The following TENT5C variants were observed in gnomAD, a reference collection of about 807,000 sequenced individuals.
TENT5C encodes the protein terminal nucleotidyltransferase 5C.
In TENT5C, 5 loss-of-function variants were observed where a neutral mutation model predicts 22.2. That is an observed-to-expected ratio of 0.22 (90% CI 0.12 to 0.47). The LOEUF is 0.47. Ranked by LOEUF, TENT5C falls within the 20% of genes least tolerant of loss-of-function variation. TENT5C has a pLI of 0.99. For missense variants in TENT5C, 364 were observed against 500.9 expected, an observed-to-expected ratio of 0.73 and a Z score of 2.61; for synonymous variants, 199 against 195.4, an observed-to-expected ratio of 1.02 and a Z score of -0.15.
chr1:117,617,626 C>T (rs1653815531), intron 1 of TENT5C, among the ~76,000 whole-genome samples: 1 of 152,132 alleles, frequency 6.6e-6, no homozygotes. Context: ...TTTGAATTTA[C>T]TAGGCTTCAA....
In TENT5C at chr1:117,624,097, C is replaced by T; in HGVS notation, c.*53C>T. The T allele has an allele frequency of 6.8e-7, 1 of 1,466,004 alleles. No homozygotes were observed. The allele number at this position is 1,466,004 out of a possible 1,614,324, so 90.8% of individuals were successfully genotyped here. On this transcript the variant is annotated 3_prime_UTR_variant, in exon 2 of 2. Coordinates refer to ENST00000369448, the MANE Select transcript of TENT5C (RefSeq NM_017709.4). ...GGAACCCCAATAGGGCTAGGGCTCT[C>T]AGGTAGGGGAGCCTCCTTCTAGATG...
intron 1 of TENT5C, among the ~76,000 whole-genome samples, chr1:117,610,105 A>G (rs1653632737): frequency 6.6e-6 from 1 of 151,584 alleles, no homozygotes; most frequent in Non-Finnish European, 1.5e-5. Flanking sequence ...AGTTCTGCTG[A>G]TTCTTTCTCT....
chr1:117,622,347 GTGTGTC>G (rs1391593997), intron 1 of TENT5C, among the ~76,000 whole-genome samples: 3 of 87,098 alleles, frequency 3.4e-5, no homozygotes, highest in African/African-American at 1.1e-4. Context: ...GTGTGTGTGT[GTGTGTC>G]TGTGTCTGTG....
At position 117,628,040 on chromosome 1, in the gene TENT5C, A is replaced by C; in HGVS notation, c.*3996A>C. 4.0e-6 allele frequency: 1 copy of C among 248,134 alleles called. No homozygotes were observed. Among genetic ancestry groups the C allele is most frequent in the East Asian group, 6.0e-5 (1 of 16,572 alleles). The allele number at this position is 248,134 out of a possible 1,614,324, so 15.4% of individuals were successfully genotyped here. A position where few individuals can be genotyped will look rare whatever the true frequency, so the allele number is the denominator to read the frequency against. ...CCATCTACTAAAGAGGAAGTAGCTA[A>C]ATACAGATCTGTGGGTGTTTTTAAA... On this transcript the variant is annotated 3_prime_UTR_variant, in exon 2 of 2. Coordinates refer to ENST00000369448, the MANE Select transcript of TENT5C (RefSeq NM_017709.4).
chr1:117,606,858 GT>G (rs1439453169), intron 1 of TENT5C, among the ~76,000 whole-genome samples: 1 of 152,220 alleles, frequency 6.6e-6, no homozygotes, highest in Non-Finnish European at 1.5e-5. Context: ...CCAGTGACTT[GT>G]GCGCTGCGCG....
At chr1:117,622,680 T>A (rs971894385) in intron 1 of TENT5C, among the ~76,000 whole-genome samples, 162 bp from the exon 2 acceptor site, 1 of 152,216 alleles carries the variant, frequency 6.6e-6, no homozygotes, top group African/African-American at 2.4e-5. Context: ...CACTGTTTTT[T>A]ACATATTTAA....
At position 117,623,360 on chromosome 1, in the gene TENT5C, C is replaced by T. The variant is rs141963049; in HGVS notation, c.492C>T (p.Asn164=). 598 of 1,614,162 alleles carry T rather than the reference C, an allele frequency of 3.7e-4. 5 individuals carry two copies. The African/African-American group carries it at 6.3e-3, about 17-fold the overall frequency. The change falls in exon 2 of 2, where the codon AAC becomes AAT. Residue 164 remains asparagine (N), a synonymous_variant. Coordinates refer to ENST00000369448, the MANE Select transcript of TENT5C (RefSeq NM_017709.4). ...CCCTCTCCAACAAGAACGGGAAGAA[C>T]GTGGAGCTGAAGTTTGTCGACTCCA... ...LISLSNKNGK[N]VELKFVDSIR...
intron 1 of TENT5C, among the ~76,000 whole-genome samples, chr1:117,610,268 G>A (rs1653636559): frequency 6.6e-6 from 1 of 152,036 alleles, no homozygotes; most frequent in Non-Finnish European, 1.5e-5. Context: ...GGGACTGCCT[G>A]CACCTCTGGA....
In TENT5C at chr1:117,622,890, A is replaced by G; in HGVS notation, c.22A>G (p.Thr8Ala). The change falls in exon 2 of 2, where the codon ACC becomes GCC. Residue 8 changes from threonine (T) to alanine (A), a missense_variant. This residue lies in a region of TENT5C where 303 missense variants were observed against 394.5 expected (regional missense o/e 0.77). Transcript: ENST00000369448. MAEESSC[T>A]RDCMSFSVLN... ...GAAGATGGCAGAGGAGAGCAGCTGT[A>G]CCAGGGATTGCATGTCCTTCAGCGT... 1.2e-6 allele frequency: 2 copies of G among 1,612,858 alleles called. No individual in the cohort carries two copies. Among genetic ancestry groups the G allele is most frequent in the Non-Finnish European group, 1.7e-6 (2 of 1,178,910 alleles).
intron 1 of TENT5C, among the ~76,000 whole-genome samples, chr1:117,616,478 C>T (rs1050936443): frequency 2.0e-5 from 3 of 152,092 alleles, no homozygotes; most frequent in East Asian, 1.9e-4. Flanking sequence ...CTCTTGTACA[C>T]GGGGGAGGAG....
In TENT5C at chr1:117,623,264, C is replaced by T; in HGVS notation, c.396C>T (p.Val132=). ...TGAACAAGCTCAAAATCAGTCCAGT[C>T]ACTCTGAAGGAGGCATATGTGCAGA... ...EGVNKLKISP[V]TLKEAYVQKL... The change falls in exon 2 of 2, where the codon GTC becomes GTT. Residue 132 remains valine, a synonymous_variant. Transcript: ENST00000369448. 9 of 1,614,156 alleles carry T rather than the reference C, an allele frequency of 5.6e-6. No individual in the cohort carries two copies. The highest frequency in any genetic ancestry group is 7.6e-6 in the Non-Finnish European group (9 of 1,180,034).
intron 1 of TENT5C, among the ~76,000 whole-genome samples, chr1:117,612,336 C>T (rs1448384398): frequency 6.9e-6 from 1 of 144,240 alleles, no homozygotes; most frequent in Non-Finnish European, 1.5e-5. Flanking sequence ...ATTCCTAGCC[C>T]GGTGCTCATT....
rs1653933016 is a variant in TENT5C at position 117,623,065 on chromosome 1, T to G, written c.197T>G (p.Val66Gly). 1 of 1,614,174 alleles carries G rather than the reference T, an allele frequency of 6.2e-7. No individual in the cohort carries two copies. The highest frequency in any genetic ancestry group is 8.5e-7 in the Non-Finnish European group (1 of 1,180,028). Reference protein sequence around the residue: ...RSRLEEAGIKVHDVRLNGSAA... With the variant: ...RSRLEEAGIKGHDVRLNGSAA... Reference sequence around the variant, plus strand: ...CGGCTGGAGGAGGCAGGCATCAAAGTGCACGACGTCCGGCTGAATGGCTCC... The same window carrying G: ...CGGCTGGAGGAGGCAGGCATCAAAGGGCACGACGTCCGGCTGAATGGCTCC... The change falls in exon 2 of 2, where the codon GTG (valine) becomes GGG (glycine). Residue 66 changes from valine to glycine, a missense_variant. This residue lies in a region of TENT5C where 303 missense variants were observed against 394.5 expected (regional missense o/e 0.77). Transcript: ENST00000369448.
rs988974635 is a variant in TENT5C at position 117,625,285 on chromosome 1, T to C, written c.*1241T>C. On this transcript the variant is annotated 3_prime_UTR_variant, in exon 2 of 2. Coordinates refer to ENST00000369448, the MANE Select transcript of TENT5C (RefSeq NM_017709.4). ...AGCATGAAGTCTGGCCTTGTGTGCATTGGAGCTTCCAAGGCACTTTGAAAT... is the reference window on the plus strand; with the variant it reads ...AGCATGAAGTCTGGCCTTGTGTGCACTGGAGCTTCCAAGGCACTTTGAAAT... The C allele has an allele frequency of 2.0e-5, 5 of 248,012 alleles. No individual in the cohort carries two copies. The highest frequency in any genetic ancestry group is 8.8e-5 in the African/African-American group (4 of 45,330). The allele number at this position is 248,012 out of a possible 1,614,324, so 15.4% of individuals were successfully genotyped here.
rs772290785 is a variant in TENT5C at position 117,624,038 on chromosome 1, T to C, written c.1170T>C (p.Cys390=). 1.2e-6 allele frequency: 2 copies of C among 1,610,924 alleles called. No homozygotes were observed. The highest frequency in any genetic ancestry group is 1.7e-6 in the Non-Finnish European group (2 of 1,178,220). The change falls in exon 2 of 2, where the codon TGT becomes TGC. Residue 390 remains cysteine, a synonymous_variant. Transcript: ENST00000369448. ...AGCCTTACCCTACCTGGCTGCCCTGTAACTAACCTTGAGACCTGAGGGTTT... is the reference window on the plus strand; with the variant it reads ...AGCCTTACCCTACCTGGCTGCCCTGCAACTAACCTTGAGACCTGAGGGTTT... ...YSQPYPTWLP[C]N is the part of the protein sequence containing the mutation.
chr1:117,614,873 T>C (rs1653748372), intron 1 of TENT5C, among the ~76,000 whole-genome samples: 1 of 152,190 alleles, frequency 6.6e-6, no homozygotes, highest in Non-Finnish European at 1.5e-5. Context: ...CTCTCTCTCT[T>C]CTGGACTTGG....
intron 1 of TENT5C, among the ~76,000 whole-genome samples, chr1:117,612,304 A>T (rs960060890): frequency 4.0e-5 from 6 of 151,574 alleles, no homozygotes; most frequent in Admixed American, 1.3e-4. Flanking sequence ...GTCAGACTTG[A>T]CACTAAAACA....
intron 1 of TENT5C, among the ~76,000 whole-genome samples, chr1:117,619,861 T>C (rs1429126778): frequency 6.6e-6 from 1 of 152,226 alleles, no homozygotes; most frequent in East Asian, 1.9e-4. Context: ...AAAATTTTGT[T>C]CCATTGATTT....
chr1:117,614,362 G>A (rs908570552), intron 1 of TENT5C, among the ~76,000 whole-genome samples: 1 of 152,220 alleles, frequency 6.6e-6, no homozygotes, highest in Non-Finnish European at 1.5e-5. Flanking sequence ...AAGGTCCATG[G>A]TCATTCGAAG....
Sources: allele counts gnomAD v4.1 joint callset (sites outside exome capture counted in the v4.1 genomes callset), GRCh38; gene constraint gnomAD v4.1.1; regional missense constraint gnomAD v4.1.1; transcripts MANE v1.5; gene names NCBI Gene and HGNC (gene_info 2026-07-23, HGNC 2026-07-21).